Variants in CTNNA3 observed in about 807,000 individuals in gnomAD.
The protein encoded by CTNNA3 is catenin alpha-3.
In CTNNA3, 76 loss-of-function variants were observed where a neutral mutation model predicts 95.7. The observed-to-expected ratio is 0.79, with a 90% CI of 0.66 to 0.96. The LOEUF (loss-of-function observed/expected upper bound fraction) is 0.96, where lower values mean the gene tolerates loss of function less well. Ranked by LOEUF, CTNNA3 falls within the 40% of genes least tolerant of loss-of-function variation. CTNNA3 has a pLI of 0.00. For synonymous variants in CTNNA3, 431 were observed against 374.4 expected, an observed-to-expected ratio of 1.15 and a Z score of -1.74; for missense variants, 1,191 against 1,089.8, an observed-to-expected ratio of 1.09 and a Z score of -1.31.
In CTNNA3 at chr10:67,637,494, A is replaced by G. The variant is rs561783779; in HGVS notation, c.99+9921T>C. On this transcript the variant is annotated intron_variant, in intron 2 of 17. Coordinates refer to ENST00000433211, the MANE Select transcript of CTNNA3 (RefSeq NM_013266.4). ...ATCTAGCAAGGCAGGCCAACATTCA[A>G]ATTCAGGAAATACAGAGAATACCAC... Among the ~76,000 whole-genome samples the G allele has an allele frequency of 1.8e-3, 280 of 152,326 alleles. 3 individuals carry two copies. The highest frequency in any genetic ancestry group is 0.017 in the Middle Eastern group (5 of 294).
intron 7 of CTNNA3, among the ~76,000 whole-genome samples, chr10:67,177,402 CA>C (rs1256729350): frequency 6.6e-6 from 1 of 152,136 alleles, no homozygotes; most frequent in East Asian, 1.9e-4. Flanking sequence ...AACAGATTTG[CA>C]AAATTTAAGC....
At chr10:66,420,292 C>T (rs1374813236) in intron 11 of CTNNA3, among the ~76,000 whole-genome samples, 1 of 152,180 alleles carries the variant, frequency 6.6e-6, no homozygotes. Context: ...CTCAACATCA[C>T]TAATCCTCAG....
At chr10:67,187,375 C>T (rs946304549) in intron 6 of CTNNA3, among the ~76,000 whole-genome samples, 6 of 152,018 alleles carry the variant, frequency 3.9e-5, no homozygotes, top group Non-Finnish European at 8.8e-5. Flanking sequence ...TATGTAAGTA[C>T]CAAATCCATA....
intron 4 of CTNNA3, among the ~76,000 whole-genome samples, chr10:67,531,004 T>G (rs1840307994): frequency 6.6e-6 from 1 of 152,190 alleles, no homozygotes; most frequent in Admixed American, 6.5e-5. Context: ...TGCAAGTGCA[T>G]GGAAGTCAAA....
intron 13 of CTNNA3, among the ~76,000 whole-genome samples, chr10:66,165,881 C>T (rs2131818226): frequency 6.6e-6 from 1 of 152,062 alleles, no homozygotes; most frequent in South Asian, 2.1e-4. Flanking sequence ...CAATTCTCTG[C>T]CTCAGCCTCC....
chr10:66,661,371 G>A (rs1411268592), intron 9 of CTNNA3, among the ~76,000 whole-genome samples: 1 of 152,002 alleles, frequency 6.6e-6, no homozygotes, highest in African/African-American at 2.4e-5. Flanking sequence ...AGACTGATTC[G>A]CTATCACGAG....
intron 12 of CTNNA3, among the ~76,000 whole-genome samples, chr10:66,287,777 C>T (rs1238206816): frequency 1.3e-5 from 2 of 152,068 alleles, no homozygotes; most frequent in Non-Finnish European, 2.9e-5. Context: ...TTATTTCAGA[C>T]ATTCAAGTAC....
intron 7 of CTNNA3, among the ~76,000 whole-genome samples, chr10:67,025,382 C>T (rs1289388752): frequency 6.6e-6 from 1 of 151,510 alleles, no homozygotes; most frequent in African/African-American, 2.4e-5. Flanking sequence ...GTAAAGGCCA[C>T]ATATCCAACT....
intron 12 of CTNNA3, among the ~76,000 whole-genome samples, chr10:66,335,449 G>A (rs1353872111): frequency 1.3e-5 from 2 of 152,130 alleles, no homozygotes; most frequent in African/African-American, 2.4e-5. Context: ...CCTTCTAACA[G>A]TCAGGACCCT....
At chr10:67,580,712 T>C (rs1328539913) in intron 3 of CTNNA3, among the ~76,000 whole-genome samples, 2 of 152,040 alleles carry the variant, frequency 1.3e-5, no homozygotes, top group Non-Finnish European at 2.9e-5. Flanking sequence ...CTTCCATTTG[T>C]TTGTGTCCTC....
At chr10:66,119,602 T>C (rs997658922) in intron 13 of CTNNA3, among the ~76,000 whole-genome samples, 1 of 152,190 alleles carries the variant, frequency 6.6e-6, no homozygotes, top group Non-Finnish European at 1.5e-5. Flanking sequence ...AGGCTTTAAC[T>C]ATGGATTATT....
chr10:66,604,944 T>C (rs1325694755), intron 10 of CTNNA3, among the ~76,000 whole-genome samples: 1 of 152,124 alleles, frequency 6.6e-6, no homozygotes, highest in East Asian at 1.9e-4. Flanking sequence ...CAGCAGGGGT[T>C]CTGAACTGGG....
chr10:66,743,971 T>A, intron 9 of CTNNA3, among the ~76,000 whole-genome samples: 1 of 52,296 alleles, frequency 1.9e-5, no homozygotes, highest in Non-Finnish European at 3.1e-5. Context: ...TGAGATTCCA[T>A]CTCAAAAAAA....
intron 7 of CTNNA3, among the ~76,000 whole-genome samples, chr10:67,003,202 C>T (rs1185278733): frequency 1.3e-5 from 2 of 152,150 alleles, no homozygotes; most frequent in Non-Finnish European, 1.5e-5. Context: ...ATTATTCAGG[C>T]ACAGTGCCTA....
chr10:67,569,068 T>C (rs1334310657), intron 3 of CTNNA3, among the ~76,000 whole-genome samples: 1 of 152,184 alleles, frequency 6.6e-6, no homozygotes, highest in Non-Finnish European at 1.5e-5. Context: ...TTGTGTCCTG[T>C]AGCTGGCAGA....
At chr10:66,943,051 T>C (rs1848094165) in intron 7 of CTNNA3, among the ~76,000 whole-genome samples, 1 of 152,180 alleles carries the variant, frequency 6.6e-6, no homozygotes, top group Non-Finnish European at 1.5e-5. Flanking sequence ...GTCACATTAA[T>C]AGGAAAAGCA....
At chr10:66,795,354 T>C (rs1455214164) in intron 7 of CTNNA3, among the ~76,000 whole-genome samples, 2 of 152,196 alleles carry the variant, frequency 1.3e-5, no homozygotes, top group Non-Finnish European at 2.9e-5. Context: ...TGTAAATCTC[T>C]AACAGAGTTC....
chr10:66,533,585 A>G (rs2659997), intron 10 of CTNNA3, among the ~76,000 whole-genome samples: 99,195 of 151,930 alleles, frequency 0.65, 35,275 homozygotes, highest in Non-Finnish European at 0.8. Flanking sequence ...AAAAGCAGTG[A>G]TCTTAATGTC....
intron 5 of CTNNA3, among the ~76,000 whole-genome samples, chr10:67,433,863 T>C (rs1309151667): frequency 6.6e-6 from 1 of 151,982 alleles, no homozygotes; most frequent in East Asian, 1.9e-4. Flanking sequence ...TCTCTAAAAA[T>C]GAAGTGTTCA....
Sources: gnomAD v4.1 joint callset for allele counts (sites outside exome capture counted in the v4.1 genomes callset) on GRCh38, gnomAD v4.1.1 for gene constraint, MANE v1.5 for transcripts, NCBI Gene and HGNC (gene_info 2026-07-23, HGNC 2026-07-21) for gene names.